The following SMAD9 variants were observed in gnomAD, a reference collection of about 807,000 sequenced individuals.
SMAD9 encodes MAD homolog 9.
SMAD9 carries 36 observed loss-of-function variants against 46.1 expected under a neutral mutation model. That is an observed-to-expected ratio of 0.78 (90% CI 0.60 to 1.03). The LOEUF (loss-of-function observed/expected upper bound fraction) is 1.03, where lower values mean the gene tolerates loss of function less well. Ranked by LOEUF, SMAD9 falls within the 50% of genes least tolerant of loss-of-function variation. SMAD9 has a pLI of 0.00. For missense variants in SMAD9, 572 were observed against 599.8 expected (o/e 0.95, Z 0.48); for synonymous variants, 245 against 237.1 (o/e 1.03, Z -0.31).
rs548159455 is a variant in SMAD9, at chr13:36,891,232, G to A, written c.-186-11357C>T. Among the ~76,000 whole-genome samples, 67 of 151,424 alleles carry A rather than the reference G, an allele frequency of 4.4e-4. 1 individual carries two copies. In the South Asian group the frequency reaches 8.5e-3, roughly 19 times the overall value. ...AAAAAGCCCTTTAAAACCTCCTTGCGGAAGCTATCCTGATATACTTCTCAA... is the reference window on the plus strand; with the variant it reads ...AAAAAGCCCTTTAAAACCTCCTTGCAGAAGCTATCCTGATATACTTCTCAA... On this transcript the variant is annotated intron_variant, in intron 1 of 6. Transcript: ENST00000379826.
intron 3 of SMAD9, among the ~76,000 whole-genome samples, chr13:36,870,542 G>T (rs923335011): frequency 8.6e-5 from 12 of 138,948 alleles, no homozygotes; most frequent in African/African-American, 2.9e-4. Context: ...ATAATCACTT[G>T]CCTGGACTGC....
At chr13:36,850,578 C>A (rs1466626940) in intron 6 of SMAD9, among the ~76,000 whole-genome samples, 1 of 151,848 alleles carries the variant, frequency 6.6e-6, no homozygotes, top group Non-Finnish European at 1.5e-5. Context: ...GGGGTTTTGC[C>A]ATGTTGGCCA....
chr13:36,916,807 C>T (rs1024268348), intron 1 of SMAD9, among the ~76,000 whole-genome samples: 2 of 151,058 alleles, frequency 1.3e-5, no homozygotes, highest in African/African-American at 4.9e-5. Flanking sequence ...CAGAAAGTCC[C>T]GTGAAGGCAG....
intron 5 of SMAD9, among the ~76,000 whole-genome samples, chr13:36,854,298 T>A (rs2058101916): frequency 6.6e-6 from 1 of 152,248 alleles, no homozygotes; most frequent in Non-Finnish European, 1.5e-5. Context: ...AATAAGGTTT[T>A]ATAATATTAG....
intron 1 of SMAD9, among the ~76,000 whole-genome samples, chr13:36,918,194 C>G (rs2058713393): frequency 6.6e-6 from 1 of 152,144 alleles, no homozygotes; most frequent in African/African-American, 2.4e-5. Flanking sequence ...CCAAATAGTT[C>G]ATGTTGACTT....
intron 1 of SMAD9, among the ~76,000 whole-genome samples, chr13:36,906,247 A>C (rs1174758786): frequency 6.6e-6 from 1 of 152,168 alleles, no homozygotes; most frequent in African/African-American, 2.4e-5. Flanking sequence ...ATTTAAAATT[A>C]ATGTGAACAA....
intron 1 of SMAD9, among the ~76,000 whole-genome samples, chr13:36,883,845 G>C (rs939201810): frequency 2.0e-5 from 3 of 152,194 alleles, no homozygotes; most frequent in Non-Finnish European, 4.4e-5. Flanking sequence ...TCTCACTTTT[G>C]TAAGAAAATC....
At chr13:36,888,950 G>A (rs1245836233) in intron 1 of SMAD9, among the ~76,000 whole-genome samples, 1 of 152,162 alleles carries the variant, frequency 6.6e-6, no homozygotes, top group African/African-American at 2.4e-5. Context: ...ATGGCCAGAG[G>A]AGAAGAAGGG....
At chr13:36,920,340 C>G (rs1193600550), upstream of SMAD9, 1 of 147,628 alleles carries the variant, frequency 6.8e-6, no homozygotes, top group South Asian at 2.1e-4. Context: ...GCGCTCTGGC[C>G]GCTCCGGGAG....
intron 2 of SMAD9, among the ~76,000 whole-genome samples, chr13:36,878,748 G>A (rs2058371247): frequency 6.6e-6 from 1 of 151,926 alleles, no homozygotes; most frequent in African/African-American, 2.4e-5. Flanking sequence ...GCGGGGGGAG[G>A]AGGATGTTTA....
intron 1 of SMAD9, among the ~76,000 whole-genome samples, chr13:36,882,401 G>A (rs894807682): frequency 1.3e-5 from 2 of 152,190 alleles, no homozygotes; most frequent in Non-Finnish European, 2.9e-5. Context: ...CCCTTGATGA[G>A]TGACCTTCAG....
intron 3 of SMAD9, among the ~76,000 whole-genome samples, chr13:36,868,659 G>T (rs963487991): frequency 1.3e-5 from 2 of 152,078 alleles, no homozygotes; most frequent in African/African-American, 4.8e-5. Flanking sequence ...CTTGAACCCA[G>T]GAGTTTGAAG....
intron 1 of SMAD9, among the ~76,000 whole-genome samples, chr13:36,886,973 C>T (rs1174127340): frequency 6.7e-6 from 1 of 150,348 alleles, no homozygotes; most frequent in African/African-American, 2.4e-5. Flanking sequence ...GAGTGTCCTG[C>T]TGGAGCTGGA....
intron 5 of SMAD9, among the ~76,000 whole-genome samples, chr13:36,861,524 C>A (rs531488796): frequency 2.0e-5 from 3 of 151,566 alleles, no homozygotes; most frequent in Non-Finnish European, 4.4e-5. Flanking sequence ...CTATGTTGGC[C>A]AGGCTGGTCT....
chr13:36,911,399 A>C (rs1357253713), intron 1 of SMAD9, among the ~76,000 whole-genome samples: 1 of 152,198 alleles, frequency 6.6e-6, no homozygotes, highest in Non-Finnish European at 1.5e-5. Flanking sequence ...AATTTCTTTG[A>C]AAGACAGAAT....
chr13:36,908,706 A>C (rs2058637195), intron 1 of SMAD9, among the ~76,000 whole-genome samples: 1 of 152,232 alleles, frequency 6.6e-6, no homozygotes, highest in South Asian at 2.1e-4. Flanking sequence ...GCATCTGATA[A>C]AATAGTCAAA....
In SMAD9 at chr13:36,874,243, G is replaced by C. The variant is rs515482; in HGVS notation, c.413-1328C>G. Among the ~76,000 whole-genome samples, 460 of 152,344 alleles carry C rather than the reference G, an allele frequency of 3.0e-3. 2 individuals carry two copies. Among genetic ancestry groups the C allele is most frequent in the African/African-American group, 0.011 (440 of 41,582 alleles). On this transcript the variant is annotated intron_variant, in intron 2 of 6. Transcript: ENST00000379826. Reference sequence around the variant, plus strand: ...GTTGAAAAGAGCCACAGAGTGTGCAGAGCTCAATTAATGAAGAAAAGATCC... The same window carrying C: ...GTTGAAAAGAGCCACAGAGTGTGCACAGCTCAATTAATGAAGAAAAGATCC...
chr13:36,906,193 T>C (rs564407859), intron 1 of SMAD9, among the ~76,000 whole-genome samples: 1 of 152,302 alleles, frequency 6.6e-6, no homozygotes, highest in East Asian at 1.9e-4. Flanking sequence ...ACTGGACTGT[T>C]ATCTCTTATG....
At chr13:36,891,244 G>A (rs568003924) in intron 1 of SMAD9, among the ~76,000 whole-genome samples, 1 of 152,176 alleles carries the variant, frequency 6.6e-6, no homozygotes, top group South Asian at 2.1e-4. Flanking sequence ...AAGCTATCCT[G>A]ATATACTTCT....
Sources: allele counts gnomAD v4.1 joint callset (sites outside exome capture counted in the v4.1 genomes callset), GRCh38; gene constraint gnomAD v4.1.1; transcripts MANE v1.5; gene names NCBI Gene and HGNC (gene_info 2026-07-23, HGNC 2026-07-21).